The following DARS1 variants were observed in gnomAD, a reference collection of about 807,000 sequenced individuals.
DARS1 encodes aspartyl-tRNA synthetase 1, also known as aspartate--tRNA ligase, cytoplasmic.
A neutral mutation model predicts 68.8 loss-of-function variants in DARS1; 51 were observed. The ratio of observed to expected loss-of-function variants is 0.74; its 90% CI spans 0.59 to 0.94. The LOEUF is 0.94. Ranked by LOEUF, DARS1 falls within the 40% of genes least tolerant of loss-of-function variation. DARS1 has a pLI of 0.00. For missense variants in DARS1, 607 were observed against 597.3 expected, an observed-to-expected ratio of 1.02 and a Z score of -0.17; for synonymous variants, 203 against 190.4, an observed-to-expected ratio of 1.07 and a Z score of -0.55.
chr2:135,965,135 C>T (rs1262340630), intron 3 of DARS1, among the ~76,000 whole-genome samples: 1 of 151,926 alleles, frequency 6.6e-6, no homozygotes. Flanking sequence ...GAATTCAGGA[C>T]ATTACGAAAT....
At chr2:135,964,664 A>G (rs1375689926) in intron 3 of DARS1, among the ~76,000 whole-genome samples, 1 of 152,046 alleles carries the variant, frequency 6.6e-6, no homozygotes, top group East Asian at 1.9e-4. Context: ...AACGTGGTGA[A>G]ACCCCATCTC....
Position 135,911,381 on chromosome 2 carries a change from C to T in DARS1, c.1342+1G>A. On this transcript the variant is annotated splice_donor_variant, in intron 14 of 15. Coordinates refer to ENST00000264161, the MANE Select transcript of DARS1 (RefSeq NM_001349.4). LOFTEE classifies it high-confidence loss of function. The stretch of plus-strand genomic sequence containing the variant: ...CCCCTAAATTATTTTAAGTTGTTTA[C>T]CAATTCCATGATGTAAAGCTCTCTC... 1 of 917,764 alleles carries T rather than the reference C, an allele frequency of 1.1e-6. No individual in the cohort carries two copies. Among genetic ancestry groups the T allele is most frequent in the Non-Finnish European group, 1.8e-6 (1 of 546,784 alleles). 56.9% of individuals were successfully genotyped at this position (917,764 alleles called of 1,614,324 possible). A position where few individuals can be genotyped will look rare whatever the true frequency, so the allele number is the denominator to read the frequency against.
chr2:135,954,989 A>G (rs1242660368), intron 4 of DARS1, among the ~76,000 whole-genome samples: 1 of 152,146 alleles, frequency 6.6e-6, no homozygotes, highest in Admixed American at 6.5e-5. Flanking sequence ...GGCCTAAAAT[A>G]TAACAGAAAT....
rs1168337341 is a variant in DARS1 at position 135,985,599 on chromosome 2, C to T, written c.-131G>A. ...GGGTCTCAGCACACGCGCTCGGACT[C>T]CGCGTGGAGGTGCGGCTCCAGAAAG... On this transcript the variant is annotated 5_prime_UTR_variant, in exon 1 of 16. Coordinates refer to ENST00000264161, the MANE Select transcript of DARS1 (RefSeq NM_001349.4). 1 of 1,534,842 alleles carries T rather than the reference C, an allele frequency of 6.5e-7. No homozygotes were observed.
Position 135,907,400 on chromosome 2 carries a change from T to C in DARS1, c.1422A>G (p.Glu474=). ...PPHAGGGIGL[E]RVTMLFLGLH... ...ATCCCAGAAACAGCATAGTAACTCG[T>C]TCCAATCCTGGGGAAGACAAAAATA... Residue 474 remains glutamate (E), a synonymous_variant, in exon 16 of 16, where the codon GAA becomes GAG. Transcript: ENST00000264161. 1 of 1,611,446 alleles carries C rather than the reference T, an allele frequency of 6.2e-7. No individual in the cohort carries two copies. Among genetic ancestry groups the C allele is most frequent in the African/African-American group, 1.3e-5 (1 of 74,882 alleles).
At chr2:135,940,521 G>A (rs985555501) in intron 5 of DARS1, among the ~76,000 whole-genome samples, 2 of 152,080 alleles carry the variant, frequency 1.3e-5, no homozygotes, top group Non-Finnish European at 2.9e-5. Context: ...AAAATAATAA[G>A]AGCTATCTAT....
intron 2 of DARS1, among the ~76,000 whole-genome samples, chr2:135,982,499 G>C (rs1423199917): frequency 6.6e-6 from 1 of 151,892 alleles, no homozygotes; most frequent in Non-Finnish European, 1.5e-5. Context: ...AGGAGGCTGA[G>C]GCAGGAGAAT....
chr2:135,982,408 C>A (rs1682655836), intron 2 of DARS1, among the ~76,000 whole-genome samples: 1 of 151,708 alleles, frequency 6.6e-6, no homozygotes, highest in Non-Finnish European at 1.5e-5. Flanking sequence ...TCAGCCTGGG[C>A]AACACAGTGA....
intron 4 of DARS1, among the ~76,000 whole-genome samples, chr2:135,955,772 C>T (rs765485499): frequency 2.1e-5 from 3 of 143,502 alleles, no homozygotes; most frequent in Middle Eastern, 3.8e-3. Context: ...CTGCAACCTT[C>T]GCCTCCCAGG....
At chr2:135,939,142 C>T (rs1445819903) in intron 5 of DARS1, among the ~76,000 whole-genome samples, 2 of 152,200 alleles carry the variant, frequency 1.3e-5, no homozygotes, top group South Asian at 2.1e-4. Flanking sequence ...TTGAACTCAG[C>T]TCTGCACCAA....
Position 135,985,486 on chromosome 2 carries a change from C to G in DARS1, c.-18G>C. On this transcript the variant is annotated 5_prime_UTR_variant, in exon 1 of 16. Coordinates refer to ENST00000264161, the MANE Select transcript of DARS1 (RefSeq NM_001349.4). ...CTGGGCATCGGGACACGGAACTGGG[C>G]AGTGGACACCACCCTCCCTCGCAGG... 4 of 1,614,000 alleles carry G rather than the reference C, an allele frequency of 2.5e-6. No homozygotes were observed. Among genetic ancestry groups the G allele is most frequent in the African/African-American group, 1.3e-5 (1 of 75,062 alleles).
chr2:135,971,358 T>G (rs951593579), intron 3 of DARS1, among the ~76,000 whole-genome samples: 9 of 152,130 alleles, frequency 5.9e-5, no homozygotes, highest in Non-Finnish European at 1.0e-4. Context: ...CATTTCCAAC[T>G]GATGCTAAAA....
intron 15 of DARS1, among the ~76,000 whole-genome samples, chr2:135,910,426 CA>C (rs1283624592): frequency 5.3e-5 from 8 of 152,062 alleles, no homozygotes; most frequent in Non-Finnish European, 1.2e-4. Flanking sequence ...TGATGTTGAG[CA>C]TTTTTTCATA....
chr2:135,947,249 T>C (rs1681745336), intron 4 of DARS1, among the ~76,000 whole-genome samples: 1 of 151,712 alleles, frequency 6.6e-6, no homozygotes, highest in African/African-American at 2.4e-5. Flanking sequence ...CTACTAAAAA[T>C]ACAAAAAAAT....
intron 7 of DARS1, among the ~76,000 whole-genome samples, chr2:135,924,813 T>A: frequency 6.6e-6 from 1 of 152,210 alleles, no homozygotes; most frequent in African/African-American, 2.4e-5. Flanking sequence ...ATGGTCTGTT[T>A]TTTTTAAAGG....
chr2:135,955,143 CA>C (rs76946722), intron 4 of DARS1, among the ~76,000 whole-genome samples: 4,267 of 109,514 alleles, frequency 0.039, 160 homozygotes, highest in East Asian at 0.22. Flanking sequence ...TTACCACCAC[CA>C]AAAAAAAAAA....
rs748072955 is a variant in DARS1 at position 135,916,268 on chromosome 2, A to G, written c.1064T>C (p.Leu355Pro). The change falls in exon 11 of 16, where the codon CTT (leucine) becomes CCT (proline). Residue 355 changes from leucine to proline, a missense_variant. By Grantham distance (98) the Leu-to-Pro change is moderately conservative. Coordinates refer to ENST00000264161, the MANE Select transcript of DARS1 (RefSeq NM_001349.4). ...TCCCATTTCGACTCCAGCTTCCCTAAGCATAGCCAATGCTTCACAATATTC... is the reference window on the plus strand; with the variant it reads ...TCCCATTTCGACTCCAGCTTCCCTAGGCATAGCCAATGCTTCACAATATTC... ...RLEYCEALAMLREAGVEMGDE... is the reference protein window; with the variant it reads ...RLEYCEALAMPREAGVEMGDE... 1 of 1,590,262 alleles carries G rather than the reference A, an allele frequency of 6.3e-7. No homozygotes were observed. Among genetic ancestry groups the G allele is most frequent in the Admixed American group, 1.7e-5 (1 of 59,990 alleles).
chr2:135,958,765 G>T (rs1350346661), intron 4 of DARS1, among the ~76,000 whole-genome samples: 1 of 152,056 alleles, frequency 6.6e-6, no homozygotes, highest in East Asian at 1.9e-4. Flanking sequence ...ATTCAGGCTC[G>T]ATTCCTTAAC....
chr2:135,945,653 G>T (rs1681704144), intron 4 of DARS1, among the ~76,000 whole-genome samples: 1 of 152,196 alleles, frequency 6.6e-6, no homozygotes, highest in African/African-American at 2.4e-5. Flanking sequence ...AGTACTGAGT[G>T]CTAAAATATT....
Sources: allele counts gnomAD v4.1 joint callset (sites outside exome capture counted in the v4.1 genomes callset), GRCh38; gene constraint gnomAD v4.1.1; transcripts MANE v1.5; gene names NCBI Gene and HGNC (gene_info 2026-07-23, HGNC 2026-07-21).